NKAIN2: variants seen among roughly 807,000 people sequenced by gnomAD.
NKAIN2 encodes the protein sodium/potassium-transporting ATPase subunit beta-1-interacting protein 2.
Under a neutral mutation model 32.6 loss-of-function variants are expected in NKAIN2, and 14 were observed. That is an observed-to-expected ratio of 0.43 (90% CI 0.28 to 0.67). NKAIN2 has a LOEUF of 0.67. Among genes scored for constraint, NKAIN2 ranks in the 30% least tolerant of loss-of-function variants. The pLI, the probability that NKAIN2 is intolerant of heterozygous loss-of-function variation, is 0.17. For missense variants in NKAIN2, 198 were observed against 258.3 expected (o/e 0.77, Z 1.60); for synonymous variants, 80 against 87.2 (o/e 0.92, Z 0.46).
intron 1 of NKAIN2, among the ~76,000 whole-genome samples, chr6:124,078,352 C>T (rs944624240): frequency 1.3e-5 from 2 of 151,856 alleles, no homozygotes; most frequent in African/African-American, 4.9e-5. Flanking sequence ...ATTTTTAAAT[C>T]AACAAGTGCT....
intron 1 of NKAIN2, among the ~76,000 whole-genome samples, chr6:124,007,254 T>A (rs748357604): frequency 2.0e-5 from 3 of 152,206 alleles, no homozygotes; most frequent in Non-Finnish European, 4.4e-5. Flanking sequence ...ACCACCTTTA[T>A]ATATGAGGTC....
chr6:123,847,281 A>G (rs1562216268), intron 1 of NKAIN2, among the ~76,000 whole-genome samples: 1 of 152,258 alleles, frequency 6.6e-6, no homozygotes, highest in Non-Finnish European at 1.5e-5. Context: ...GAAAGGGATT[A>G]GATCTTATAG....
chr6:123,866,412 C>A (rs1242979753), intron 1 of NKAIN2, among the ~76,000 whole-genome samples: 2 of 152,176 alleles, frequency 1.3e-5, no homozygotes, highest in Non-Finnish European at 2.9e-5. Context: ...CTAGGATTTT[C>A]ATTAGCAAAC....
intron 1 of NKAIN2, among the ~76,000 whole-genome samples, chr6:123,824,552 A>G (rs1381162554): frequency 6.6e-6 from 1 of 151,990 alleles, no homozygotes; most frequent in Non-Finnish European, 1.5e-5. Context: ...TATTATAGAA[A>G]GTTGGAGTAG....
chr6:124,681,474 T>C (rs1013998853), intron 4 of NKAIN2, among the ~76,000 whole-genome samples: 3 of 152,068 alleles, frequency 2.0e-5, no homozygotes, highest in South Asian at 4.1e-4. Flanking sequence ...CAGAGAATAA[T>C]TAATAGCTTG....
chr6:124,697,298 T>G (rs1774543437), intron 4 of NKAIN2, among the ~76,000 whole-genome samples: 1 of 152,146 alleles, frequency 6.6e-6, no homozygotes, highest in Non-Finnish European at 1.5e-5. Context: ...AAGGAAAAGA[T>G]GTCTTGTGTT....
Position 124,385,997 on chromosome 6 carries a change from C to G in NKAIN2, c.273+30650C>G, listed in dbSNP as rs140699850. 2.8e-3 allele frequency among the ~76,000 whole-genome samples: 423 copies of G among 152,202 alleles called. 3 individuals are homozygous for G. Among genetic ancestry groups the G allele is most frequent in the African/African-American group, 9.7e-3 (402 of 41,548 alleles). ...AGCCATTTAGCCCATTTCTAAAGAA[C>G]TGGGGGTCCTGGGAATATAATCAGT... On this transcript the variant is annotated intron_variant, in intron 3 of 6. Coordinates refer to ENST00000368417, the MANE Select transcript of NKAIN2 (RefSeq NM_001040214.3).
intron 1 of NKAIN2, among the ~76,000 whole-genome samples, chr6:124,238,077 C>G (rs1278335300): frequency 6.6e-6 from 1 of 151,748 alleles, no homozygotes; most frequent in African/African-American, 2.4e-5. Flanking sequence ...TAAAACAGAA[C>G]AAATGATAGA....
intron 1 of NKAIN2, among the ~76,000 whole-genome samples, chr6:124,021,406 C>T (rs908848093): frequency 1.3e-5 from 2 of 151,832 alleles, no homozygotes; most frequent in East Asian, 1.9e-4. Flanking sequence ...TTTAATTTCT[C>T]CTATCAAGAC....
At chr6:124,273,512 A>C (rs145188081) in intron 1 of NKAIN2, among the ~76,000 whole-genome samples, 1 of 152,350 alleles carries the variant, frequency 6.6e-6, no homozygotes, top group African/African-American at 2.4e-5. Flanking sequence ...TCTTTATAGC[A>C]GTGTGAAAAT....
intron 3 of NKAIN2, among the ~76,000 whole-genome samples, chr6:124,565,546 A>C (rs1036309832): frequency 2.6e-5 from 4 of 152,176 alleles, no homozygotes; most frequent in African/African-American, 9.7e-5. Flanking sequence ...CCAGAGACGT[A>C]ATCTCCTCCT....
At chr6:124,510,928 T>TA (rs1300899979) in intron 3 of NKAIN2, among the ~76,000 whole-genome samples, 1 of 152,218 alleles carries the variant, frequency 6.6e-6, no homozygotes, top group Non-Finnish European at 1.5e-5. Context: ...TATGTGTTTT[T>TA]AAAATATACA....
chr6:124,546,887 A>G (rs1299783725), intron 3 of NKAIN2, among the ~76,000 whole-genome samples: 2 of 152,196 alleles, frequency 1.3e-5, no homozygotes, highest in African/African-American at 2.4e-5. Context: ...CAGATGGCCC[A>G]TTACAAAAGT....
chr6:123,819,645 G>A (rs976502002), intron 1 of NKAIN2, among the ~76,000 whole-genome samples: 19 of 152,184 alleles, frequency 1.2e-4, no homozygotes, highest in East Asian at 3.8e-4. Context: ...TTAAAGCAAC[G>A]CAACGGAAAG....
At chr6:124,295,085 A>C (rs1795993045) in intron 2 of NKAIN2, among the ~76,000 whole-genome samples, 1 of 152,204 alleles carries the variant, frequency 6.6e-6, no homozygotes, top group African/African-American at 2.4e-5. Context: ...ATTATAGTAC[A>C]GTAAAATTGG....
chr6:124,263,498 T>G (rs544473048), intron 1 of NKAIN2, among the ~76,000 whole-genome samples: 1 of 152,298 alleles, frequency 6.6e-6, no homozygotes, highest in Admixed American at 6.5e-5. Context: ...TGTACCTATA[T>G]TTCTCCTGTC....
At chr6:124,197,106 TTAAA>T (rs1490031963) in intron 1 of NKAIN2, among the ~76,000 whole-genome samples, 6 of 151,570 alleles carry the variant, frequency 4.0e-5, no homozygotes, top group Non-Finnish European at 7.4e-5. Flanking sequence ...TAGTTTTTCT[TTAAA>T]TATATTTAAA....
rs185803266 is a variant in NKAIN2 at position 124,804,790 on chromosome 6, G to A, written c.535+13391G>A. Among the ~76,000 whole-genome samples the A allele has an allele frequency of 3.6e-4, 55 of 152,294 alleles. No individual in the cohort carries two copies. The East Asian group carries it at 5.0e-3, about 14-fold the overall frequency. On this transcript the variant is annotated intron_variant, in intron 5 of 6. Transcript: ENST00000368417. ...CTGGAAAATCGGATCACTCCCACCC[G>A]AATACTGCACTTTTTTAACGGGCTT...
rs377603154 is a variant in NKAIN2 at position 124,717,054 on chromosome 6, G to A, written c.474+58668G>A. 1.2e-4 allele frequency among the ~76,000 whole-genome samples: 19 copies of A among 152,272 alleles called. No individual in the cohort carries two copies. The South Asian group carries it at 3.9e-3, about 32-fold the overall frequency. On this transcript the variant is annotated intron_variant, in intron 4 of 6. Coordinates refer to ENST00000368417, the MANE Select transcript of NKAIN2 (RefSeq NM_001040214.3). The stretch of plus-strand genomic sequence containing the variant: ...TGTTCTTTTACAAAATTGTAGTGCA[G>A]ACAATATTCCAATTAAAAAGAGGAT...
Sources: gnomAD v4.1 joint callset for allele counts (sites outside exome capture counted in the v4.1 genomes callset) on GRCh38, gnomAD v4.1.1 for gene constraint, MANE v1.5 for transcripts, NCBI Gene and HGNC (gene_info 2026-07-23, HGNC 2026-07-21) for gene names.